UCHL1: variants seen among roughly 807,000 people sequenced by gnomAD.
UCHL1 encodes the protein ubiquitin carboxyl-terminal hydrolase isozyme L1.
In UCHL1, 5 loss-of-function variants were observed where a neutral mutation model predicts 33.3. That is an observed-to-expected ratio of 0.15 (90% CI 0.08 to 0.32). UCHL1 has a LOEUF of 0.32. Among genes scored for constraint, UCHL1 ranks in the 10% least tolerant of loss-of-function variants. The pLI is 1.00. For missense variants in UCHL1, 236 were observed against 280.0 expected (o/e 0.84, Z 1.12); for synonymous variants, 132 against 108.8 (o/e 1.21, Z -1.33).
chr4:41,257,653 C>T lies in UCHL1; in HGVS notation c.90C>T (p.Asp30=). Residue 30 remains aspartate (D), a synonymous_variant, in exon 3 of 9, where the codon GAC becomes GAT. Coordinates refer to ENST00000284440, the MANE Select transcript of UCHL1 (RefSeq NM_004181.5). ...TCGCCGGCCAGTGGCGCTTCGTGGA[C>T]GTGCTGGGGCTGGAAGAGGAGTCTC... ...LGVAGQWRFV[D]VLGLEEESLG... 1 of 1,567,884 alleles carries T rather than the reference C, an allele frequency of 6.4e-7. No homozygotes were observed. The highest frequency in any genetic ancestry group is 8.6e-7 in the Non-Finnish European group (1 of 1,160,840).
At chr4:41,257,769 C>G (rs764704167) in intron 3 of UCHL1, 32 bp downstream of exon 3, 1 of 1,548,544 alleles carries the variant, frequency 6.5e-7, no homozygotes, top group East Asian at 2.4e-5. Context: ...GCGCCGGCCG[C>G]CGGCAGTGCA....
chr4:41,267,900 G>T, intron 8 of UCHL1, 87 bp from the exon 9 acceptor site: 2 of 1,183,670 alleles, frequency 1.7e-6, no homozygotes, highest in South Asian at 2.6e-5. Flanking sequence ...TGAACTTTGA[G>T]CATTAATAGA....
intron 3 of UCHL1, among the ~76,000 whole-genome samples, chr4:41,259,003 G>A (rs1040714254): frequency 1.6e-4 from 24 of 152,304 alleles, no homozygotes; most frequent in African/African-American, 5.8e-4. Flanking sequence ...CAGAGGCAAG[G>A]CCTCTGGGAG....
intron 8 of UCHL1, among the ~76,000 whole-genome samples, chr4:41,267,293 G>A (rs1781169394): frequency 6.6e-6 from 1 of 152,034 alleles, no homozygotes; most frequent in African/African-American, 2.4e-5. Flanking sequence ...GCCCAGGCTG[G>A]AGTGTAGTGG....
At position 41,257,662 on chromosome 4, in the gene UCHL1, G is replaced by T. The variant is rs764766596; in HGVS notation, c.99G>T (p.Gly33=). ...AGTGGCGCTTCGTGGACGTGCTGGG[G>T]CTGGAAGAGGAGTCTCTGGGCTCGG... ...AGQWRFVDVL[G]LEEESLGSVP... is the part of the protein sequence containing the mutation. The change falls in exon 3 of 9, where the codon GGG becomes GGT. Residue 33 remains glycine (G), a synonymous_variant. Coordinates refer to ENST00000284440, the MANE Select transcript of UCHL1 (RefSeq NM_004181.5). 2.5e-6 allele frequency: 4 copies of T among 1,571,508 alleles called. No homozygotes were observed. Among genetic ancestry groups the T allele is most frequent in the Middle Eastern group, 1.9e-4 (1 of 5,200 alleles).
rs1200219528 is a variant in UCHL1 at position 41,257,768 on chromosome 4, G to A, written c.174+31G>A. 6 of 1,547,638 alleles carry A rather than the reference G, an allele frequency of 3.9e-6. No homozygotes were observed. In the African/African-American group the frequency reaches 5.5e-5, roughly 14 times the overall value. ...GCGTGGGGCCCAGGATGCGCCGGCCGCCGGCAGTGCACGCCGCTCCCCAGC... is the reference window on the plus strand; with the variant it reads ...GCGTGGGGCCCAGGATGCGCCGGCCACCGGCAGTGCACGCCGCTCCCCAGC... On this transcript the variant is annotated intron_variant, in intron 3 of 8. Coordinates refer to ENST00000284440, the MANE Select transcript of UCHL1 (RefSeq NM_004181.5).
chr4:41,258,020 C>T (rs1781011578), intron 3 of UCHL1, among the ~76,000 whole-genome samples: 1 of 152,232 alleles, frequency 6.6e-6, no homozygotes, highest in Admixed American at 6.5e-5. Flanking sequence ...ATTCATCCTA[C>T]TCATGAGTTC....
intron 3 of UCHL1, among the ~76,000 whole-genome samples, chr4:41,258,261 C>T (rs1477966313): frequency 6.6e-6 from 1 of 152,206 alleles, no homozygotes; most frequent in South Asian, 2.1e-4. Flanking sequence ...TTCTCCACTC[C>T]CACCACTTGC....
intron 4 of UCHL1, among the ~76,000 whole-genome samples, chr4:41,261,206 C>A (rs908577101): frequency 6.6e-6 from 1 of 152,012 alleles, no homozygotes; most frequent in Non-Finnish European, 1.5e-5. Flanking sequence ...TCTGAATAAC[C>A]GAATTACTAA....
At position 41,264,029 on chromosome 4, in the gene UCHL1, C is replaced by A. The variant is rs71608068; in HGVS notation, c.527-74C>A. 73,303 of 1,594,884 alleles carry A rather than the reference C, an allele frequency of 0.046. 2,034 individuals carry two copies. The highest frequency in any genetic ancestry group is 0.053 in the South Asian group (4,777 of 90,684). On this transcript the variant is annotated intron_variant, in intron 7 of 8. Coordinates refer to ENST00000284440, the MANE Select transcript of UCHL1 (RefSeq NM_004181.5). ...TGGTTTTTGGAAGAATCTAAAACTT[C>A]CATCTAGGCTAGGTAAGCACGGTAG... is the stretch of plus-strand genomic sequence containing the variant.
intron 2 of UCHL1, 131 bp downstream of exon 2, chr4:41,257,257 T>A (rs1780991596): frequency 1.1e-5 from 16 of 1,420,136 alleles, no homozygotes; most frequent in Non-Finnish European, 1.4e-5. Context: ...GGCTGGGGCG[T>A]GGGCTGGGCG....
intron 1 of UCHL1, 33 bp downstream of exon 1, chr4:41,257,042 GCGAGGC>G (rs1780985849): frequency 6.2e-7 from 1 of 1,614,074 alleles, no homozygotes; most frequent in Non-Finnish European, 8.5e-7. Context: ...CCCGGAGAGC[GCGAGGC>G]CGAGGGAGGG....
intron 8 of UCHL1, 77 bp from the exon 9 acceptor site, chr4:41,267,910 A>G: frequency 7.7e-7 from 1 of 1,299,610 alleles, no homozygotes; most frequent in South Asian, 1.2e-5. Flanking sequence ...GCATTAATAG[A>G]CCTTGGAGCC....
Position 41,260,723 on chromosome 4 carries a change from A to C in UCHL1, c.251A>C (p.Gln84Pro). Residue 84 changes from glutamine to proline, a missense_variant, in exon 4 of 9, where the codon CAG becomes CCG. Gln to Pro is a moderately conservative substitution (Grantham distance 76). Coordinates refer to ENST00000284440, the MANE Select transcript of UCHL1 (RefSeq NM_004181.5). ...EVSPKVYFMK[Q>P]TIGNSCGTIG... ...AGTCCTAAAGTGTACTTCATGAAGC[A>C]GACCATTGGGAATTCCTGTGGCACA... 6.2e-7 allele frequency: 1 copy of C among 1,614,248 alleles called. No individual in the cohort carries two copies. The highest frequency in any genetic ancestry group is 8.5e-7 in the Non-Finnish European group (1 of 1,180,044).
intron 2 of UCHL1, 99 bp downstream of exon 2, chr4:41,257,225 C>T (rs1326236125): frequency 3.2e-6 from 5 of 1,586,202 alleles, no homozygotes; most frequent in African/African-American, 1.3e-5. Context: ...AAGCCGCCCG[C>T]TGCGAGCACC....
chr4:41,257,811 C>T, intron 3 of UCHL1, 74 bp downstream of exon 3: 1 of 1,504,296 alleles, frequency 6.6e-7, no homozygotes. Context: ...CTCGGGGGCT[C>T]CCCGCCCCGC....
At position 41,261,704 on chromosome 4, in the gene UCHL1, T is replaced by TC. The variant is rs753465403; in HGVS notation, c.326-11_326-10insC. 5.6e-6 allele frequency: 9 copies of TC among 1,610,932 alleles called. No individual in the cohort carries two copies. In the African/African-American group the frequency reaches 1.2e-4, roughly 22 times the overall value. On this transcript the variant is annotated splice_polypyrimidine_tract_variant and intron_variant, in intron 4 of 8. Transcript: ENST00000284440. ...TTTTACCTATACTAACACATCCATT[T>TC]TTTTTTTAAGAGGATGGATCAGTTC...
chr4:41,259,493 A>G (rs1174858328), intron 3 of UCHL1, among the ~76,000 whole-genome samples: 1 of 152,218 alleles, frequency 6.6e-6, no homozygotes, highest in Non-Finnish European at 1.5e-5. Flanking sequence ...TAGAAGCGAA[A>G]AAGTTCTGCT....
chr4:41,264,364 C>A, intron 8 of UCHL1: 1 of 638,260 alleles, frequency 1.6e-6, no homozygotes. Context: ...CAGAGACACC[C>A]TGAGTAATCT....
Sources: allele counts gnomAD v4.1 joint callset (sites outside exome capture counted in the v4.1 genomes callset), GRCh38; gene constraint gnomAD v4.1.1; transcripts MANE v1.5; gene names NCBI Gene and HGNC (gene_info 2026-07-23, HGNC 2026-07-21).